Variants in PIR observed in about 807,000 individuals in gnomAD.
PIR encodes the protein pirin (iron-binding nuclear protein).
PIR carries 22 observed loss-of-function variants against 24.2 expected under a neutral mutation model. The observed-to-expected ratio is 0.91, with a 90% CI of 0.65 to 1.30. The LOEUF is 1.30. Ranked by LOEUF, PIR falls within the 50% of genes most tolerant of loss-of-function variation. The pLI, the probability that PIR is intolerant of heterozygous loss-of-function variation, is 0.00. For synonymous variants in PIR, 80 were observed against 79.6 expected, an observed-to-expected ratio of 1.00 and a Z score of -0.03; for missense variants, 220 against 220.3, an observed-to-expected ratio of 1.00 and a Z score of 0.01.
At chrX:15,398,592 G>A (rs1208094993) in intron 7 of PIR, among the ~76,000 whole-genome samples, 1 of 110,025 alleles carries the variant, frequency 9.1e-6, no homozygotes, top group Non-Finnish European at 1.9e-5. Context: ...CGATGGAAAT[G>A]TAAGCTGTCT....
At chrX:15,393,195 TG>T (rs1296562524) in intron 8 of PIR, among the ~76,000 whole-genome samples, 1 of 112,214 alleles carries the variant, frequency 8.9e-6, no homozygotes, top group African/African-American at 3.2e-5. Context: ...TCAGAGTTTC[TG>T]GTACAGAGTT....
chrX:15,436,142 T>A (rs969927294), intron 5 of PIR, among the ~76,000 whole-genome samples: 13 of 112,598 alleles, frequency 1.2e-4, no homozygotes, highest in African/African-American at 3.9e-4. Context: ...TTTTAACTTC[T>A]ATCAACCATA....
chrX:15,422,332 G>GA (rs34503974), intron 6 of PIR, among the ~76,000 whole-genome samples: 281 of 90,580 alleles, frequency 3.1e-3, no homozygotes, highest in Non-Finnish European at 5.0e-3. Flanking sequence ...CTAGGCAAGA[G>GA]AAAAAAAAAA....
At chrX:15,481,553 C>T (rs1220272173) in intron 2 of PIR, among the ~76,000 whole-genome samples, 1 of 111,625 alleles carries the variant, frequency 9.0e-6, no homozygotes, top group Non-Finnish European at 1.9e-5. Flanking sequence ...TAAGGATTTG[C>T]AATTCTCTCC....
At chrX:15,453,037 G>A (rs1920983164) in intron 5 of PIR, among the ~76,000 whole-genome samples, 1 of 111,355 alleles carries the variant, frequency 9.0e-6, no homozygotes, top group South Asian at 3.8e-4. Flanking sequence ...TCTTTTTATG[G>A]TAGGTCTAGA....
chrX:15,465,830 C>T (rs1311919990), intron 3 of PIR, among the ~76,000 whole-genome samples: 5 of 111,690 alleles, frequency 4.5e-5, no homozygotes, highest in East Asian at 2.8e-4. Flanking sequence ...AGAATTACAA[C>T]GCAAGAGATA....
intron 5 of PIR, among the ~76,000 whole-genome samples, chrX:15,452,422 G>A (rs374082003): frequency 4.5e-5 from 5 of 111,530 alleles, no homozygotes; most frequent in East Asian, 2.8e-4. Flanking sequence ...GCTTTCCAAG[G>A]GTTGAATAAA....
intron 5 of PIR, among the ~76,000 whole-genome samples, chrX:15,427,381 TTACA>T (rs2147033259): frequency 9.0e-6 from 1 of 110,979 alleles, no homozygotes; most frequent in East Asian, 2.8e-4. Flanking sequence ...AATTAAAAGA[TTACA>T]TTCATTAAAT....
chrX:15,487,169 T>G (rs1922880719), intron 2 of PIR, among the ~76,000 whole-genome samples: 1 of 112,073 alleles, frequency 8.9e-6, no homozygotes, highest in African/African-American at 3.2e-5. Flanking sequence ...TTGAATGGAC[T>G]TGAGCTGTGA....
At chrX:15,450,865 C>T (rs1171304555) in intron 5 of PIR, among the ~76,000 whole-genome samples, 1 of 111,423 alleles carries the variant, frequency 9.0e-6, no homozygotes, top group African/African-American at 3.3e-5. Flanking sequence ...ACATCCAGCC[C>T]CTAAAAGTCT....
At chrX:15,443,697 T>C (rs1602272155) in intron 5 of PIR, among the ~76,000 whole-genome samples, 2 of 111,859 alleles carry the variant, frequency 1.8e-5, no homozygotes, top group South Asian at 3.8e-4. Context: ...TTGAGAACAT[T>C]TGTGATTCCT....
At chrX:15,436,625 G>A (rs1925759448) in intron 5 of PIR, among the ~76,000 whole-genome samples, 1 of 112,116 alleles carries the variant, frequency 8.9e-6, no homozygotes, top group Non-Finnish European at 1.9e-5. Flanking sequence ...CAATCCATGG[G>A]TAATGTGTTC....
chrX:15,446,211 A>T (rs750916628), intron 5 of PIR, among the ~76,000 whole-genome samples: 7 of 112,182 alleles, frequency 6.2e-5, no homozygotes, highest in South Asian at 7.3e-4. Flanking sequence ...CAAATTACCA[A>T]ATTTTACATA....
At chrX:15,462,958 T>C (rs1382606051) in intron 3 of PIR, among the ~76,000 whole-genome samples, 1 of 112,125 alleles carries the variant, frequency 8.9e-6, no homozygotes, top group Non-Finnish European at 1.9e-5. Flanking sequence ...TATATTCTCA[T>C]GAGGAAGACA....
rs775922413 is a variant in PIR, at chrX:15,480,892, G to A, written c.97-1071C>T. On this transcript the variant is annotated intron_variant, in intron 2 of 9. Coordinates refer to ENST00000380420, the MANE Select transcript of PIR (RefSeq NM_001018109.3). ...AGTTTGATATGATCAGATTTAGAAGGATCACTCTGTGGTAAAGGAAGACAG... is the reference window on the plus strand; with the variant it reads ...AGTTTGATATGATCAGATTTAGAAGAATCACTCTGTGGTAAAGGAAGACAG... Among the ~76,000 whole-genome samples, 3 of 112,527 alleles carry A rather than the reference G, an allele frequency of 2.7e-5. No homozygotes were observed. The South Asian group carries it at 1.1e-3, about 41-fold the overall frequency.
chrX:15,454,400 G>T (rs1339054145), intron 5 of PIR, among the ~76,000 whole-genome samples: 1 of 108,989 alleles, frequency 9.2e-6, no homozygotes, highest in African/African-American at 3.3e-5. Context: ...TGATTTTTTT[G>T]TCGTTGTTGT....
rs6632658 is a variant in PIR at position 15,451,388 on chromosome X, T to A, written c.480+4460A>T. ...GAACAATTTGGGTCCTGCAAAAGAG[T>A]TCACATTTAAAGAAAAAAAAAAAAG... On this transcript the variant is annotated intron_variant, in intron 5 of 9. Transcript: ENST00000380420. Among the ~76,000 whole-genome samples the A allele has an allele frequency of 9.0e-3, 983 of 109,304 alleles. 16 individuals are homozygous for A. In the East Asian group the frequency reaches 0.096, roughly 11 times the overall value. 94.9% of individuals were successfully genotyped at this position (109,304 alleles called of 115,157 possible). A position where few individuals can be genotyped will look rare whatever the true frequency, so the allele number is the denominator to read the frequency against.
chrX:15,397,928 T>C (rs1311376008), intron 7 of PIR, among the ~76,000 whole-genome samples: 1 of 112,249 alleles, frequency 8.9e-6, no homozygotes, highest in African/African-American at 3.2e-5. Context: ...CCTAGCACTA[T>C]GGGACAATAC....
At chrX:15,466,294 A>G (rs1921591409) in intron 3 of PIR, among the ~76,000 whole-genome samples, 1 of 111,899 alleles carries the variant, frequency 8.9e-6, no homozygotes, top group East Asian at 2.8e-4. Flanking sequence ...ACAAGTTCCA[A>G]AAGGTGGTTT....
Sources: allele counts gnomAD v4.1 joint callset (sites outside exome capture counted in the v4.1 genomes callset), GRCh38; gene constraint gnomAD v4.1.1; transcripts MANE v1.5; gene names NCBI Gene and HGNC (gene_info 2026-07-23, HGNC 2026-07-21).